Variants in ADAMTS2 observed in about 807,000 individuals in gnomAD.
ADAMTS2 encodes A disintegrin and metalloproteinase with thrombospondin motifs 2.
ADAMTS2 carries 50 observed loss-of-function variants against 123.0 expected under a neutral mutation model. That is an observed-to-expected ratio of 0.41 (90% CI 0.32 to 0.51). The LOEUF (loss-of-function observed/expected upper bound fraction) is 0.51. Ranked by LOEUF, ADAMTS2 falls within the 20% of genes least tolerant of loss-of-function variation. ADAMTS2 has a pLI of 0.35. For missense variants in ADAMTS2, 1,494 were observed against 1,705.2 expected, an observed-to-expected ratio of 0.88 and a Z score of 2.18; for synonymous variants, 678 against 695.4, an observed-to-expected ratio of 0.98 and a Z score of 0.39.
At position 179,273,207 on chromosome 5, in the gene ADAMTS2, C is replaced by T. The variant is rs73809745; in HGVS notation, c.535-143G>A. 10 of 1,329,750 alleles carry T rather than the reference C, an allele frequency of 7.5e-6. No homozygotes were observed. The African/African-American group carries it at 1.3e-4, about 17-fold the overall frequency. 82.4% of individuals were successfully genotyped at this position (1,329,750 alleles called of 1,614,324 possible). The stretch of plus-strand genomic sequence containing the variant: ...GCTGGTGCTCAGCTTGAACCCTGGG[C>T]TGGCCGGAGGGTATGAACATGTGGT... On this transcript the variant is annotated intron_variant, in intron 2 of 21. Transcript: ENST00000251582.
chr5:179,153,630 G>C lies in ADAMTS2; in HGVS notation c.1383-7C>G, dbSNP rs777500170. The C allele has an allele frequency of 5.0e-6, 8 of 1,600,578 alleles. No individual in the cohort carries two copies. In the Admixed American group the frequency reaches 1.3e-4, roughly 27 times the overall value. Reference sequence around the variant, plus strand: ...CAGCAGGCAGTCATAGGAGCTGTGGGGGACACACGGTGCCGCGAGCAGCCT... The same window carrying C: ...CAGCAGGCAGTCATAGGAGCTGTGGCGGACACACGGTGCCGCGAGCAGCCT... On this transcript the variant is annotated splice_polypyrimidine_tract_variant and splice_region_variant and intron_variant, in intron 8 of 21. Coordinates refer to ENST00000251582, the MANE Select transcript of ADAMTS2 (RefSeq NM_014244.5).
intron 4 of ADAMTS2, among the ~76,000 whole-genome samples, chr5:179,200,815 C>A (rs530973622): frequency 3.9e-5 from 6 of 152,002 alleles, no homozygotes; most frequent in Admixed American, 1.3e-4. Flanking sequence ...CTATCCCAGG[C>A]GGAATAAAAC....
chr5:179,230,239 G>A (rs1765377695), intron 3 of ADAMTS2, among the ~76,000 whole-genome samples: 1 of 152,156 alleles, frequency 6.6e-6, no homozygotes, highest in South Asian at 2.1e-4. Context: ...GGGGGCAAGG[G>A]GGGAGGGGAT....
At chr5:179,210,736 G>A (rs1041801876) in intron 3 of ADAMTS2, among the ~76,000 whole-genome samples, 1 of 152,342 alleles carries the variant, frequency 6.6e-6, no homozygotes, top group African/African-American at 2.4e-5. Flanking sequence ...TCAGACCTGG[G>A]GCAACAGGAG....
intron 2 of ADAMTS2, among the ~76,000 whole-genome samples, chr5:179,341,985 C>T (rs1172304413): frequency 6.6e-6 from 1 of 152,192 alleles, no homozygotes; most frequent in East Asian, 1.9e-4. Flanking sequence ...TTCCAGCCCC[C>T]ATTCAAACAG....
chr5:179,264,381 C>T (rs1466997878), intron 3 of ADAMTS2, among the ~76,000 whole-genome samples: 3 of 152,214 alleles, frequency 2.0e-5, no homozygotes, highest in African/African-American at 7.2e-5. Flanking sequence ...CTCCTACATC[C>T]AAGGCACAGA....
At chr5:179,131,045 G>C (rs905286492) in intron 15 of ADAMTS2, among the ~76,000 whole-genome samples, 2 of 152,112 alleles carry the variant, frequency 1.3e-5, no homozygotes, top group Non-Finnish European at 2.9e-5. Context: ...AGGTGCAGTG[G>C]CTCACAGCTG....
At position 179,126,240 on chromosome 5, in the gene ADAMTS2, T is replaced by C. The variant is rs917572032; in HGVS notation, c.2618-110A>G. 4 of 1,490,376 alleles carry C rather than the reference T, an allele frequency of 2.7e-6. No homozygotes were observed. The African/African-American group carries it at 4.1e-5, about 15-fold the overall frequency. The allele number at this position is 1,490,376 out of a possible 1,614,324, so 92.3% of individuals were successfully genotyped here. ...CTGGCCTCGTTTTCCTGCTCACCCT[T>C]GTGATGACAATAAGGGTGGGCAGGG... On this transcript the variant is annotated intron_variant, in intron 17 of 21. Transcript: ENST00000251582.
At position 179,208,697 on chromosome 5, in the gene ADAMTS2, C is replaced by T. The variant is rs560872633; in HGVS notation, c.689-982G>A. 5.7e-4 allele frequency among the ~76,000 whole-genome samples: 87 copies of T among 152,300 alleles called. 1 individual carries two copies. The highest frequency in any genetic ancestry group is 2.0e-3 in the African/African-American group (85 of 41,570). On this transcript the variant is annotated intron_variant, in intron 3 of 21. Transcript: ENST00000251582. ...CAAGGCTGGCCAGGCTGACCTGCAG[C>T]ATCGATGGCAGCCCCAGACCACACT...
In ADAMTS2 at chr5:179,233,763, T is replaced by C. The variant is rs559990089; in HGVS notation, c.689-26048A>G. On this transcript the variant is annotated intron_variant, in intron 3 of 21. Coordinates refer to ENST00000251582, the MANE Select transcript of ADAMTS2 (RefSeq NM_014244.5). ...GAAACACACACTACACTGACTACAC[T>C]GAAGCCCTCAAGCCGCTGAGCAGCC... Among the ~76,000 whole-genome samples the C allele has an allele frequency of 3.3e-5, 5 of 152,134 alleles. No homozygotes were observed. The South Asian group carries it at 1.0e-3, about 32-fold the overall frequency.
intron 5 of ADAMTS2, among the ~76,000 whole-genome samples, chr5:179,174,705 T>A (rs1763895167): frequency 6.6e-6 from 1 of 152,278 alleles, no homozygotes; most frequent in African/African-American, 2.4e-5. Flanking sequence ...ATTTTAATTA[T>A]CTTCACTTTA....
At position 179,260,912 on chromosome 5, in the gene ADAMTS2, T is replaced by A. The variant is rs462815; in HGVS notation, c.688+11999A>T. 8.3e-4 allele frequency among the ~76,000 whole-genome samples: 126 copies of A among 151,942 alleles called. No individual in the cohort carries two copies. Among genetic ancestry groups the A allele is most frequent in the African/African-American group, 2.9e-3 (121 of 41,414 alleles). On this transcript the variant is annotated intron_variant, in intron 3 of 21. Transcript: ENST00000251582. This position sits in a 1 kb window ranked among gnomAD's most constrained non-coding sequence, Gnocchi z 4.2. Reference sequence around the variant, plus strand: ...TTTCTCTCTGCTTCCAGGACTACCGTGCCTATTAAATGACACCATGAAGAG... The same window carrying A: ...TTTCTCTCTGCTTCCAGGACTACCGAGCCTATTAAATGACACCATGAAGAG...
At chr5:179,333,277 G>A (rs1347328143) in intron 2 of ADAMTS2, among the ~76,000 whole-genome samples, 1 of 152,200 alleles carries the variant, frequency 6.6e-6, no homozygotes, top group African/African-American at 2.4e-5. Flanking sequence ...GGCAGGTGGT[G>A]TCTTAACTGG....
chr5:179,172,813 G>A (rs1763849995), intron 5 of ADAMTS2, among the ~76,000 whole-genome samples: 1 of 151,824 alleles, frequency 6.6e-6, no homozygotes. Flanking sequence ...TCAGTCAAAC[G>A]GCATCATTTG....
At chr5:179,167,714 G>A (rs1168837803) in intron 5 of ADAMTS2, among the ~76,000 whole-genome samples, 1 of 152,216 alleles carries the variant, frequency 6.6e-6, no homozygotes, top group Non-Finnish European at 1.5e-5. Context: ...TCTAGGCCCG[G>A]CCGAAATATC....
At chr5:179,251,842 T>C (rs909822574) in intron 3 of ADAMTS2, among the ~76,000 whole-genome samples, 1 of 151,980 alleles carries the variant, frequency 6.6e-6, no homozygotes, top group Non-Finnish European at 1.5e-5. Context: ...AAATTCAGAT[T>C]ACTGACACTT....
intron 10 of ADAMTS2, among the ~76,000 whole-genome samples, chr5:179,145,972 C>T (rs935033552): frequency 3.3e-5 from 5 of 152,198 alleles, no homozygotes; most frequent in Admixed American, 3.3e-4. Context: ...CCTGCTTCAG[C>T]CTCCTGAGTA....
At chr5:179,306,803 A>G (rs917577254) in intron 2 of ADAMTS2, among the ~76,000 whole-genome samples, 12 of 152,330 alleles carry the variant, frequency 7.9e-5, no homozygotes, top group African/African-American at 2.9e-4. Flanking sequence ...AGCCAGGCAG[A>G]TGAACTCAAC....
rs144683360 is a variant in ADAMTS2 at position 179,252,180 on chromosome 5, A to G, written c.688+20731T>C. 5.7e-3 allele frequency among the ~76,000 whole-genome samples: 861 copies of G among 151,660 alleles called. 11 individuals carry two copies. Among genetic ancestry groups the G allele is most frequent in the African/African-American group, 0.02 (822 of 41,378 alleles). On this transcript the variant is annotated intron_variant, in intron 3 of 21. Transcript: ENST00000251582. ...ATGCCACCACGTGTAGCTAATTTTT[A>G]GATTTTTTTGGTAGAGATGGGGTTT...
Sources: allele counts gnomAD v4.1 joint callset (sites outside exome capture counted in the v4.1 genomes callset), GRCh38; gene constraint gnomAD v4.1.1; non-coding constraint Gnocchi (gnomAD v3.1); transcripts MANE v1.5; gene names NCBI Gene and HGNC (gene_info 2026-07-23, HGNC 2026-07-21).